The following HHLA1 variants were observed in gnomAD, a reference collection of about 807,000 sequenced individuals.
HHLA1 encodes the protein HERV-H LTR-associating protein 1.
HHLA1 carries 72 observed loss-of-function variants against 69.9 expected under a neutral mutation model. The observed-to-expected ratio is 1.03, with a 90% confidence interval of 0.85 to 1.25. HHLA1 has a LOEUF of 1.25. HHLA1 is among the 50% of genes most tolerant of loss of function. HHLA1 has a pLI of 0.00. For synonymous variants in HHLA1, 252 were observed against 233.2 expected (o/e 1.08, Z -0.73); for missense variants, 685 against 642.2 (o/e 1.07, Z -0.72).
rs1823385859 is a variant in HHLA1 at position 132,063,479 on chromosome 8, G to A, written c.*516C>T. On this transcript the variant is annotated 3_prime_UTR_variant, in exon 17 of 17. Transcript: ENST00000414222. The stretch of plus-strand genomic sequence containing the variant: ...TTATATAGATCCCATACCATGGCAA[G>A]TCTGATTGGTTGTACATGTATTAGT... The A allele has an allele frequency of 2.0e-5, 3 of 152,244 alleles. No homozygotes were observed. The highest frequency in any genetic ancestry group is 2.0e-4 in the Admixed American group (3 of 15,288). 9.4% of individuals were successfully genotyped at this position (152,244 alleles called of 1,614,324 possible). A position where few individuals can be genotyped will look rare whatever the true frequency, so the allele number is the denominator to read the frequency against.
At chr8:132,077,619 G>A in intron 12 of HHLA1, 107 bp downstream of exon 12, 5 of 1,124,896 alleles carry the variant, frequency 4.4e-6, no homozygotes, top group Non-Finnish European at 6.3e-6. Flanking sequence ...TGTTTTCTTA[G>A]TTTTCTGTGT....
chr8:132,110,080 CAAGG>C (rs1447241792), intron 1 of HHLA1, among the ~76,000 whole-genome samples: 2 of 152,232 alleles, frequency 1.3e-5, no homozygotes, highest in Non-Finnish European at 2.9e-5. Context: ...CCAAATCAAC[CAAGG>C]TTAGTTCAGC....
At chr8:132,092,672 G>A (rs572260191) in intron 7 of HHLA1, among the ~76,000 whole-genome samples, 1 of 152,292 alleles carries the variant, frequency 6.6e-6, no homozygotes, top group South Asian at 2.1e-4. Flanking sequence ...GGTCTCCCCA[G>A]AAGCTGAGCA....
intron 5 of HHLA1, among the ~76,000 whole-genome samples, chr8:132,098,126 A>G (rs1437389160): frequency 6.6e-6 from 1 of 152,220 alleles, no homozygotes; most frequent in African/African-American, 2.4e-5. Context: ...TAGGTGTTCT[A>G]TGAATATTGA....
chr8:132,064,089 C>A, intron 16 of HHLA1, 51 bp from the exon 17 acceptor site: 1 of 1,168,114 alleles, frequency 8.6e-7, no homozygotes, highest in Non-Finnish European at 1.1e-6. Flanking sequence ...GATATAAACA[C>A]TGTAGAGACA....
In HHLA1 at chr8:132,095,501, A is replaced by C. The variant is rs1563747840; in HGVS notation, c.448+18T>G. ...CAAAATTGGAAAAGCTGCAAGCCTC[A>C]TGGTAAGCTGTACCCACCTGATAAG... On this transcript the variant is annotated intron_variant, in intron 7 of 16. Coordinates refer to ENST00000414222, the MANE Select transcript of HHLA1 (RefSeq NM_001145095.3). The C allele has an allele frequency of 6.7e-7, 1 of 1,500,546 alleles. No individual in the cohort carries two copies. 93.0% of individuals were successfully genotyped at this position (1,500,546 alleles called of 1,614,324 possible).
intron 13 of HHLA1, 131 bp from the exon 14 acceptor site, chr8:132,076,260 G>T: frequency 1.3e-6 from 1 of 786,320 alleles, no homozygotes; most frequent in South Asian, 1.7e-5. Flanking sequence ...AGCCAAAAAA[G>T]GGGAAGTGAT....
intron 3 of HHLA1, 79 bp from the exon 4 acceptor site, chr8:132,100,213 C>A (rs912614866): frequency 5.7e-5 from 57 of 993,792 alleles, no homozygotes; most frequent in Non-Finnish European, 8.7e-5. Context: ...GCCTTGGAAG[C>A]CTCTTTGGCC....
chr8:132,105,921 G>A (rs1162147715), intron 1 of HHLA1, among the ~76,000 whole-genome samples: 1 of 152,160 alleles, frequency 6.6e-6, no homozygotes, highest in African/African-American at 2.4e-5. Context: ...CTTCTCTGCA[G>A]CACTCTGTGC....
chr8:132,103,861 C>G lies in HHLA1; in HGVS notation c.139+247G>C, dbSNP rs553671097. ...TTACAAAGGTGATGATGGCAAGTAA[C>G]GGTACCCCCCATTATAAAATCTTCT... On this transcript the variant is annotated intron_variant, in intron 3 of 16. Transcript: ENST00000414222. 8.3e-4 allele frequency among the ~76,000 whole-genome samples: 127 copies of G among 152,282 alleles called. 1 individual carries two copies. Among genetic ancestry groups the G allele is most frequent in the Admixed American group, 1.8e-3 (27 of 15,300 alleles).
At chr8:132,084,191 T>C (rs1823817840) in intron 10 of HHLA1, among the ~76,000 whole-genome samples, 1 of 152,100 alleles carries the variant, frequency 6.6e-6, no homozygotes, top group African/African-American at 2.4e-5. Context: ...AACGAAACTG[T>C]AAGCCGGACC....
At chr8:132,103,745 C>T (rs550105620) in intron 3 of HHLA1, among the ~76,000 whole-genome samples, 2 of 152,172 alleles carry the variant, frequency 1.3e-5, no homozygotes, top group Non-Finnish European at 2.9e-5. Context: ...TCCCAGACTC[C>T]TCTTGTCCTT....
In HHLA1 at chr8:132,079,305, C is replaced by T. The variant is rs559540915; in HGVS notation, c.925+413G>A. 5.3e-5 allele frequency among the ~76,000 whole-genome samples: 8 copies of T among 152,298 alleles called. No individual in the cohort carries two copies. In the East Asian group the frequency reaches 1.2e-3, roughly 22 times the overall value. On this transcript the variant is annotated intron_variant, in intron 11 of 16. Transcript: ENST00000414222. The stretch of plus-strand genomic sequence containing the variant: ...CCATAAAATATTGACTTCACTTCAC[C>T]GTTTCATGTGAATTTCAGGAGCGAT...
At chr8:132,076,950 T>C (rs1586726025) in intron 12 of HHLA1, among the ~76,000 whole-genome samples, 1 of 152,206 alleles carries the variant, frequency 6.6e-6, no homozygotes, top group Non-Finnish European at 1.5e-5. Context: ...ACAAATTGCC[T>C]GTCATATTCA....
chr8:132,071,696 C>T (rs1324299293), intron 14 of HHLA1, among the ~76,000 whole-genome samples: 2 of 152,066 alleles, frequency 1.3e-5, no homozygotes, highest in Non-Finnish European at 2.9e-5. Context: ...AGGTGGTGAT[C>T]GAGTTTCTGG....
intron 11 of HHLA1, 60 bp downstream of exon 11, chr8:132,079,658 C>G (rs11778661): frequency 6.8e-7 from 1 of 1,473,880 alleles, no homozygotes; most frequent in East Asian, 2.5e-5. Flanking sequence ...TATATGTGAG[C>G]CTAGAGGTAA....
At chr8:132,070,507 A>T in intron 15 of HHLA1, 2 of 631,916 alleles carry the variant, frequency 3.2e-6, no homozygotes, top group South Asian at 1.8e-5. Context: ...TCTACTTAAC[A>T]TGACACAAGT....
rs764177411 is a variant in HHLA1 at position 132,105,246 on chromosome 8, C to T, written c.20G>A (p.Arg7His). 33 of 1,552,010 alleles carry T rather than the reference C, an allele frequency of 2.1e-5. No homozygotes were observed. The highest frequency in any genetic ancestry group is 8.2e-5 in the African/African-American group (6 of 73,016). MLGFLS[R>H]GPSMKLCMGL... is the part of the protein sequence containing the mutation. ...CATGCACAGCTTCATTGAAGGACCA[C>T]GTGACAGGAAGCCCAGCATGCTTGT... The change falls in exon 2 of 17, where the codon CGT (arginine) becomes CAT (histidine). Residue 7 changes from arginine to histidine, a missense_variant. Transcript: ENST00000414222.
chr8:132,102,791 CATTTTTTTTTTTT>C (rs1464665498), intron 3 of HHLA1, among the ~76,000 whole-genome samples: 1 of 95,528 alleles, frequency 1.0e-5, no homozygotes, highest in Non-Finnish European at 2.1e-5. Flanking sequence ...CACTGAGCAC[CATTTTTTTTTTTT>C]TTTTTTTTTT....
Sources: allele counts gnomAD v4.1 joint callset (sites outside exome capture counted in the v4.1 genomes callset), GRCh38; gene constraint gnomAD v4.1.1; transcripts MANE v1.5; gene names NCBI Gene and HGNC (gene_info 2026-07-23, HGNC 2026-07-21).